Variants in FKBP5 observed in about 807,000 individuals in gnomAD.
The protein encoded by FKBP5 is FKBP prolyl isomerase 5.
In FKBP5, 23 loss-of-function variants were observed where a neutral mutation model predicts 50.5. That is an observed-to-expected ratio of 0.46 (90% CI 0.33 to 0.65). The LOEUF (loss-of-function observed/expected upper bound fraction) is 0.65, where lower values mean the gene tolerates loss of function less well. Ranked by LOEUF, FKBP5 falls within the 30% of genes least tolerant of loss-of-function variation. The probability of loss-of-function intolerance (pLI) is 0.02; values close to 1 mark genes in which losing one functional copy is unlikely to be tolerated. For synonymous variants in FKBP5, 176 were observed against 190.6 expected (o/e 0.92, Z 0.63); for missense variants, 411 against 553.1 (o/e 0.74, Z 2.58).
chr6:35,701,539 G>A (rs1224656228), intron 2 of FKBP5, among the ~76,000 whole-genome samples: 2 of 151,462 alleles, frequency 1.3e-5, no homozygotes, highest in East Asian at 2.0e-4. Context: ...CACCACGCCC[G>A]GCCTGTTTGT....
chr6:35,696,660 A>T (rs1276414079), intron 2 of FKBP5, among the ~76,000 whole-genome samples: 1 of 152,230 alleles, frequency 6.6e-6, no homozygotes, highest in Non-Finnish European at 1.5e-5. Flanking sequence ...TGCAATCCCC[A>T]TCAGAATCTG....
intron 1 of FKBP5, among the ~76,000 whole-genome samples, chr6:35,720,954 T>C (rs1403580709): frequency 6.6e-6 from 1 of 152,146 alleles, no homozygotes; most frequent in Non-Finnish European, 1.5e-5. Flanking sequence ...CTTAAAGTGG[T>C]AAAGTGCTAG....
At chr6:35,674,030 TC>T (rs1765463128) in intron 1 of FKBP5, among the ~76,000 whole-genome samples, 1 of 152,184 alleles carries the variant, frequency 6.6e-6, no homozygotes, top group African/African-American at 2.4e-5. Context: ...CCTTCCTTCT[TC>T]CCTTTCTCCC....
intron 8 of FKBP5, chr6:35,581,940 T>G: frequency 1.0e-6 from 1 of 985,418 alleles, no homozygotes; most frequent in Non-Finnish European, 1.2e-6. Context: ...CCAAGGAGTC[T>G]GAGTAAGAGA....
Position 35,619,175 on chromosome 6 carries a change from A to C in FKBP5, c.429T>G (p.Phe143Leu). The C allele has an allele frequency of 6.2e-7, 1 of 1,613,858 alleles. No homozygotes were observed. Among genetic ancestry groups the C allele is most frequent in the Non-Finnish European group, 8.5e-7 (1 of 1,179,804 alleles). The change falls in exon 5 of 11, where the codon TTT becomes TTG. Residue 143 changes from phenylalanine to leucine, a missense_variant. Physicochemically the swap from Phe to Leu is conservative, Grantham distance 22. Around this residue, in one of 3 missense-constraint regions of FKBP5, gnomAD observed 267 missense variants for 405.9 expected, o/e 0.66. Transcript: ENST00000357266. The stretch of plus-strand genomic sequence containing the variant: ...TTCTCCGGATAATGCCTCCATCTTC[A>C]AATAAATCCTCTCCTTTGAAATCAA... ...ELLDFKGEDL[F>L]EDGGIIRRTK... is the part of the protein sequence containing the mutation.
intron 1 of FKBP5, among the ~76,000 whole-genome samples, chr6:35,723,695 T>C (rs1766652615): frequency 6.6e-6 from 1 of 152,186 alleles, no homozygotes; most frequent in African/African-American, 2.4e-5. Flanking sequence ...GAGAGCCATA[T>C]TGGACAGATT....
chr6:35,609,810 G>C (rs372025463), intron 5 of FKBP5, among the ~76,000 whole-genome samples: 13 of 152,142 alleles, frequency 8.5e-5, no homozygotes, highest in African/African-American at 2.9e-4. Flanking sequence ...CTAACTTCCA[G>C]AAACTTTCTT....
rs928423019 is a variant in FKBP5 at position 35,658,243 on chromosome 6, C to T, written c.-19-15400G>A. 2.0e-5 allele frequency among the ~76,000 whole-genome samples: 3 copies of T among 151,888 alleles called. No homozygotes were observed. In the East Asian group the frequency reaches 5.8e-4, roughly 29 times the overall value. On this transcript the variant is annotated intron_variant, in intron 1 of 10. Coordinates refer to ENST00000357266, the MANE Select transcript of FKBP5 (RefSeq NM_004117.4). ...TCCAAAAATTAACCGGGCGTGGTGG[C>T]GGGCGCCTGTAGTCCCAGCTACTCA...
At chr6:35,620,901 A>T (rs1448866072) in intron 3 of FKBP5, among the ~76,000 whole-genome samples, 1 of 152,214 alleles carries the variant, frequency 6.6e-6, no homozygotes, top group Non-Finnish European at 1.5e-5. Context: ...AACTATAATA[A>T]GCGCAAATTT....
rs371386293 is a variant in FKBP5 at position 35,701,957 on chromosome 6, C to T, written c.-20+18371G>A. 2.3e-3 allele frequency among the ~76,000 whole-genome samples: 354 copies of T among 152,074 alleles called. 1 individual carries two copies. Among genetic ancestry groups the T allele is most frequent in the South Asian group, 0.01 (50 of 4,814 alleles). On this transcript the variant is annotated intron_variant, in intron 2 of 11. Transcript: ENST00000536438. ...CTGCCTCCCAGGCTCAAGCAATTCT[C>T]ATACCTCAGCCTCCCAAGTAGCTGG...
intron 1 of FKBP5, among the ~76,000 whole-genome samples, chr6:35,670,351 A>T (rs564187723): frequency 2.8e-4 from 43 of 152,312 alleles, no homozygotes; most frequent in Admixed American, 8.5e-4. Flanking sequence ...AATTAGGAGG[A>T]TTCAAAATTT....
intron 5 of FKBP5, among the ~76,000 whole-genome samples, chr6:35,602,910 C>T (rs762572380): frequency 6.6e-6 from 1 of 152,174 alleles, no homozygotes. Context: ...CACCCAGCAA[C>T]AAATTCTCCA....
At chr6:35,691,642 C>T (rs1765989946), upstream of FKBP5, among the ~76,000 whole-genome samples, 1 of 152,192 alleles carries the variant, frequency 6.6e-6, no homozygotes, top group African/African-American at 2.4e-5. Flanking sequence ...GGCAGCCTTG[C>T]TAGCCCCACC....
At chr6:35,585,731 TACTC>T (rs1762578472) in intron 8 of FKBP5, 1 of 973,950 alleles carries the variant, frequency 1.0e-6, no homozygotes, top group Non-Finnish European at 1.2e-6. Flanking sequence ...ATCCAGTACT[TACTC>T]ATACACAAGC....
rs201950036 is a variant in FKBP5 at position 35,687,135 on chromosome 6, TAACTTA to T, written c.-20+1663_-20+1668del. Among the ~76,000 whole-genome samples the T allele has an allele frequency of 2.0e-3, 299 of 152,318 alleles. 3 individuals are homozygous for T. The East Asian group carries it at 0.04, about 21-fold the overall frequency. ...AAATCAAGATTAGCAACTTTGTTCTTAACTTAAACTTAATCTCCGAAGTATAAATCT... is the reference window on the plus strand; with the variant it reads ...AAATCAAGATTAGCAACTTTGTTCTTAACTTAATCTCCGAAGTATAAATCT... On this transcript the variant is annotated intron_variant, in intron 1 of 10. Coordinates refer to ENST00000357266, the MANE Select transcript of FKBP5 (RefSeq NM_004117.4).
chr6:35,707,359 G>C (rs1488096856), intron 2 of FKBP5, among the ~76,000 whole-genome samples: 1 of 151,618 alleles, frequency 6.6e-6, no homozygotes, highest in Non-Finnish European at 1.5e-5. Context: ...TGGGATTACA[G>C]GCATGCACCA....
intron 2 of FKBP5, among the ~76,000 whole-genome samples, chr6:35,719,591 A>G (rs1253888807): frequency 1.3e-5 from 2 of 152,006 alleles, no homozygotes; most frequent in East Asian, 1.9e-4. Flanking sequence ...AACACCACCC[A>G]CAATGCCTGG....
chr6:35,597,390 G>A lies in FKBP5; in HGVS notation c.523C>T (p.Arg175Cys), dbSNP rs368433107. ...GATVEIHLEG[R>C]CGGRMFDCRD... Reference sequence around the variant, plus strand: ...CAGTCAAACATCCTTCCACCACAGCGGCCTTCCAGGTGGACTGAGGGCAAG... The same window carrying A: ...CAGTCAAACATCCTTCCACCACAGCAGCCTTCCAGGTGGACTGAGGGCAAG... The change falls in exon 6 of 11, where the codon CGC (arginine) becomes TGC (cysteine). Residue 175 changes from arginine (R) to cysteine (C), a missense_variant. By Grantham distance (180) the Arg-to-Cys change is radical. Transcript: ENST00000357266. 1.6e-5 allele frequency: 26 copies of A among 1,613,580 alleles called. No homozygotes were observed. The highest frequency in any genetic ancestry group is 5.0e-5 in the Admixed American group (3 of 59,882).
At chr6:35,691,486 G>C (rs1325469813), upstream of FKBP5, among the ~76,000 whole-genome samples, 1 of 152,178 alleles carries the variant, frequency 6.6e-6, no homozygotes, top group East Asian at 1.9e-4. Flanking sequence ...GGCTCTTCCA[G>C]GAGGAAGACA....
Sources: gnomAD v4.1 joint callset for allele counts (sites outside exome capture counted in the v4.1 genomes callset) on GRCh38, gnomAD v4.1.1 for gene constraint, gnomAD v4.1.1 regional missense constraint, MANE v1.5 for transcripts, NCBI Gene and HGNC (gene_info 2026-07-23, HGNC 2026-07-21) for gene names.